The following SPON1 variants were observed in gnomAD, a reference collection of about 807,000 sequenced individuals.
The protein encoded by SPON1 is spondin 1.
Under a neutral mutation model 111.7 loss-of-function variants are expected in SPON1, and 52 were observed. That is an observed-to-expected ratio of 0.47 (90% confidence interval 0.37 to 0.59). The LOEUF (loss-of-function observed/expected upper bound fraction) is 0.59, where lower values mean the gene tolerates loss of function less well. Among genes scored for constraint, SPON1 ranks in the 20% least tolerant of loss-of-function variants. The pLI, the probability that SPON1 is intolerant of heterozygous loss-of-function variation, is 0.00. For missense variants in SPON1, 957 were observed against 1,068.5 expected (o/e 0.90, Z 1.46); for synonymous variants, 410 against 395.8 (o/e 1.04, Z -0.43).
Position 14,253,648 on chromosome 11 carries a change from G to T in SPON1, c.891-880G>T, listed in dbSNP as rs187701567. ...GCCAGCTGGACTGAACAGAACAGTT[G>T]GTCTCTGGCCAAGGATTCCCCATGA... On this transcript the variant is annotated intron_variant, in intron 7 of 15. Transcript: ENST00000576479. Among the ~76,000 whole-genome samples the T allele has an allele frequency of 6.4e-4, 97 of 152,322 alleles. 1 individual carries two copies. Among genetic ancestry groups the T allele is most frequent in the African/African-American group, 2.2e-3 (91 of 41,580 alleles).
intron 3 of SPON1, among the ~76,000 whole-genome samples, chr11:14,060,185 A>G (rs904981816): frequency 6.6e-6 from 1 of 152,230 alleles, no homozygotes; most frequent in Non-Finnish European, 1.5e-5. Context: ...GAATTGGATC[A>G]CACAGACCCT....
chr11:14,043,309 C>T (rs1848645574), intron 3 of SPON1, among the ~76,000 whole-genome samples: 1 of 152,172 alleles, frequency 6.6e-6, no homozygotes, highest in Non-Finnish European at 1.5e-5. Flanking sequence ...GGCAGGCTAA[C>T]TACAAGTGGA....
At chr11:14,029,843 A>G in intron 2 of SPON1, among the ~76,000 whole-genome samples, 1 of 152,218 alleles carries the variant, frequency 6.6e-6, no homozygotes, top group African/African-American at 2.4e-5. Flanking sequence ...ACAACTTTGT[A>G]TATGAATTCA....
chr11:14,181,880 G>A (rs1179504112), intron 6 of SPON1, among the ~76,000 whole-genome samples: 13 of 152,076 alleles, frequency 8.5e-5, no homozygotes, highest in African/African-American at 1.4e-4. Context: ...TAATGATAAC[G>A]CCCATAAATA....
At chr11:14,161,243 ATC>A (rs1564920191) in intron 6 of SPON1, among the ~76,000 whole-genome samples, 13 of 58,778 alleles carry the variant, frequency 2.2e-4, no homozygotes, top group African/African-American at 5.9e-4. Flanking sequence ...ATATTTATAT[ATC>A]TATATATTTA....
At chr11:13,988,098 T>C (rs1229532497) in intron 2 of SPON1, among the ~76,000 whole-genome samples, 1 of 152,190 alleles carries the variant, frequency 6.6e-6, no homozygotes, top group Admixed American at 6.5e-5. Flanking sequence ...GCAAAGTCAG[T>C]GGTAGCTTGA....
At chr11:14,014,989 C>T (rs1848434406) in intron 2 of SPON1, among the ~76,000 whole-genome samples, 1 of 152,136 alleles carries the variant, frequency 6.6e-6, no homozygotes, top group African/African-American at 2.4e-5. Flanking sequence ...CACGTACACA[C>T]ACACACTTGT....
chr11:14,097,626 C>T (rs1554924003), intron 5 of SPON1, among the ~76,000 whole-genome samples: 1 of 152,048 alleles, frequency 6.6e-6, no homozygotes, highest in Non-Finnish European at 1.5e-5. Context: ...CCTAGCTGGG[C>T]ATGGTGGTGC....
intron 6 of SPON1, among the ~76,000 whole-genome samples, chr11:14,171,799 G>A (rs568133172): frequency 4.3e-4 from 66 of 152,288 alleles, no homozygotes; most frequent in African/African-American, 1.6e-3. Flanking sequence ...TAGTTGAGCG[G>A]TTTTGAGTGA....
intron 6 of SPON1, among the ~76,000 whole-genome samples, chr11:14,204,334 T>C (rs899149084): frequency 2.6e-5 from 4 of 152,306 alleles, no homozygotes; most frequent in Non-Finnish European, 5.9e-5. Flanking sequence ...TGAGGTTGGG[T>C]ACAGTGGCAT....
intron 5 of SPON1, among the ~76,000 whole-genome samples, chr11:14,082,763 T>G (rs1384884691): frequency 6.6e-6 from 1 of 152,226 alleles, no homozygotes; most frequent in Admixed American, 6.5e-5. Context: ...TCTTAAGTAA[T>G]AGATGAATTT....
intron 6 of SPON1, among the ~76,000 whole-genome samples, chr11:14,173,192 C>A (rs1226321477): frequency 2.0e-5 from 3 of 151,876 alleles, no homozygotes; most frequent in African/African-American, 7.2e-5. Context: ...TTGTTCGTTT[C>A]TTTTTATTCT....
chr11:14,104,186 A>T (rs538275316), intron 5 of SPON1, among the ~76,000 whole-genome samples: 2 of 151,862 alleles, frequency 1.3e-5, no homozygotes, highest in Non-Finnish European at 2.9e-5. Flanking sequence ...AAATTATTGC[A>T]TTATTCCAGT....
At chr11:14,219,647 T>C (rs1286213772) in intron 6 of SPON1, among the ~76,000 whole-genome samples, 3 of 152,196 alleles carry the variant, frequency 2.0e-5, no homozygotes, top group African/African-American at 7.2e-5. Flanking sequence ...GTGGTCTGCA[T>C]GACCTCTAGA....
chr11:14,243,097 G>A (rs1161044604), intron 6 of SPON1, among the ~76,000 whole-genome samples: 2 of 152,214 alleles, frequency 1.3e-5, no homozygotes, highest in Non-Finnish European at 2.9e-5. Flanking sequence ...GAAACCAAAG[G>A]TGTGACTCAG....
intron 5 of SPON1, among the ~76,000 whole-genome samples, chr11:14,100,066 T>A (rs557028311): frequency 6.6e-6 from 1 of 152,190 alleles, no homozygotes; most frequent in South Asian, 2.1e-4. Context: ...AATATGAGAT[T>A]TGGAGGGGAC....
chr11:14,187,633 G>C (rs938250671), intron 6 of SPON1, among the ~76,000 whole-genome samples: 1 of 152,070 alleles, frequency 6.6e-6, no homozygotes, highest in East Asian at 1.9e-4. Flanking sequence ...GTTGTTTTTT[G>C]AGTCAGAGTC....
chr11:14,078,235 T>C (rs986583362), intron 4 of SPON1, among the ~76,000 whole-genome samples: 11 of 152,252 alleles, frequency 7.2e-5, no homozygotes, highest in Non-Finnish European at 1.6e-4. Context: ...TATTTTCCTT[T>C]GAAAATCCAA....
chr11:14,239,830 T>C (rs1554939511), intron 6 of SPON1, among the ~76,000 whole-genome samples: 1 of 152,246 alleles, frequency 6.6e-6, no homozygotes, highest in Non-Finnish European at 1.5e-5. Context: ...TCCTGCCTGC[T>C]GGATTCATAA....
Sources: gnomAD v4.1 joint callset for allele counts (sites outside exome capture counted in the v4.1 genomes callset) on GRCh38, gnomAD v4.1.1 for gene constraint, MANE v1.5 for transcripts, NCBI Gene and HGNC (gene_info 2026-07-23, HGNC 2026-07-21) for gene names.